The following ADH7 variants were observed in gnomAD, a reference collection of about 807,000 sequenced individuals.
ADH7 encodes the protein alcohol dehydrogenase 7 (class IV), mu or sigma polypeptide, also known as all-trans-retinol dehydrogenase [NAD(+)] ADH7.
ADH7 carries 41 observed loss-of-function variants against 34.4 expected under a neutral mutation model. The observed-to-expected ratio is 1.19, with a 90% CI of 0.93 to 1.55. The LOEUF (loss-of-function observed/expected upper bound fraction) is 1.55, where lower values mean the gene tolerates loss of function less well. ADH7 is among the 40% of genes most tolerant of loss of function. The pLI is 0.00. For synonymous variants in ADH7, 180 were observed against 160.9 expected, an observed-to-expected ratio of 1.12 and a Z score of -0.90; for missense variants, 540 against 461.2, an observed-to-expected ratio of 1.17 and a Z score of -1.56.
At position 99,413,078 on chromosome 4, in the gene ADH7, A is replaced by G; in HGVS notation, c.*70T>C. ...ATTTGTGAGACAGATACATGATTTC[A>G]GATGAGGGAACTCTCACAAGAGAAA... is the stretch of plus-strand genomic sequence containing the variant. On this transcript the variant is annotated 3_prime_UTR_variant, in exon 9 of 9. Coordinates refer to ENST00000437033, the MANE Select transcript of ADH7 (RefSeq NM_000673.7). 1 of 1,487,166 alleles carries G rather than the reference A, an allele frequency of 6.7e-7. No homozygotes were observed. The highest frequency in any genetic ancestry group is 9.4e-7 in the Non-Finnish European group (1 of 1,068,682). The allele number at this position is 1,487,166 out of a possible 1,614,324, so 92.1% of individuals were successfully genotyped here.
In ADH7 at chr4:99,415,552, C is replaced by G; in HGVS notation, c.1026G>C (p.Leu342=). The change falls in exon 8 of 9, where the codon CTG becomes CTC. Residue 342 remains leucine, a synonymous_variant. Transcript: ENST00000437033. ...GTAAAACATGAGTTATCAACTGGTC[C>G]AGGTCAAATTTCTTTGCCAGGAACT... ...VTEFLAKKFD[L]DQLITHVLPF... 1.2e-6 allele frequency: 2 copies of G among 1,613,500 alleles called. No homozygotes were observed. Among genetic ancestry groups the G allele is most frequent in the Non-Finnish European group, 1.7e-6 (2 of 1,179,698 alleles).
intron 2 of ADH7, among the ~76,000 whole-genome samples, 187 bp from the exon 3 acceptor site, chr4:99,428,817 T>TTA (rs1721876968): frequency 6.6e-6 from 1 of 152,218 alleles, no homozygotes; most frequent in Non-Finnish European, 1.5e-5. Flanking sequence ...CTGACGGAAC[T>TTA]TATAATATTG....
intron 2 of ADH7, 152 bp downstream of exon 2, chr4:99,429,380 G>A (rs1721887387): frequency 1.8e-6 from 1 of 560,394 alleles, no homozygotes; most frequent in South Asian, 2.9e-5. Flanking sequence ...AGTACAACCA[G>A]ATCCTTAACA....
intron 6 of ADH7, 41 bp downstream of exon 6, chr4:99,420,492 T>C: frequency 2.5e-6 from 4 of 1,592,660 alleles, no homozygotes; most frequent in Non-Finnish European, 3.4e-6. Context: ...GCATGTCTAA[T>C]AACTTGGGTA....
intron 8 of ADH7, among the ~76,000 whole-genome samples, chr4:99,414,208 C>A (rs781573308): frequency 6.6e-6 from 1 of 152,008 alleles, no homozygotes; most frequent in Non-Finnish European, 1.5e-5. Flanking sequence ...GACAGTTTTT[C>A]TTACAAAATC....
chr4:99,420,488 C>G (rs1274965536), intron 6 of ADH7, 45 bp downstream of exon 6: 1 of 1,583,162 alleles, frequency 6.3e-7, no homozygotes, highest in East Asian at 2.2e-5. Context: ...TTGTGCATGT[C>G]TAATAACTTG....
intron 2 of ADH7, among the ~76,000 whole-genome samples, 177 bp from the exon 3 acceptor site, chr4:99,428,807 C>A (rs1044095591): frequency 1.3e-5 from 2 of 152,232 alleles, no homozygotes; most frequent in African/African-American, 4.8e-5. Context: ...AGATCCCTCT[C>A]TGACGGAACT....
chr4:99,428,469 T>C (rs1160944946), intron 3 of ADH7, 23 bp downstream of exon 3: 4 of 1,602,660 alleles, frequency 2.5e-6, no homozygotes, highest in South Asian at 1.1e-5. Context: ...ATTTCAAACT[T>C]GTGGTTTGAC....
Position 99,423,796 on chromosome 4 carries a change from A to G in ADH7, c.565-3003T>C, listed in dbSNP as rs567252917. Reference sequence around the variant, plus strand: ...GATATTAGCCCTTTGTCAGATGAGTAGGTTGCAAAAATTTTCCCCCATTTT... The same window carrying G: ...GATATTAGCCCTTTGTCAGATGAGTGGGTTGCAAAAATTTTCCCCCATTTT... On this transcript the variant is annotated intron_variant, in intron 5 of 8. Transcript: ENST00000437033. 5.9e-5 allele frequency among the ~76,000 whole-genome samples: 9 copies of G among 152,258 alleles called. No homozygotes were observed. The South Asian group carries it at 1.9e-3, about 32-fold the overall frequency.
chr4:99,413,984 T>C (rs1721463323), intron 8 of ADH7, among the ~76,000 whole-genome samples: 1 of 152,188 alleles, frequency 6.6e-6, no homozygotes, highest in Non-Finnish European at 1.5e-5. Context: ...AAGTGGGACA[T>C]TCAAATAGAG....
At chr4:99,427,478 T>A (rs1342759771) in intron 5 of ADH7, among the ~76,000 whole-genome samples, 1 of 152,156 alleles carries the variant, frequency 6.6e-6, no homozygotes, top group Admixed American at 6.6e-5. Flanking sequence ...ACTGAGATTG[T>A]CCTATCTTAA....
rs1721636577 is a variant in ADH7 at position 99,420,788 on chromosome 4, T to C, written c.570A>G (p.Lys190=). The change falls in exon 6 of 9, where the codon AAA becomes AAG. Residue 190 remains lysine (K), a synonymous_variant. Transcript: ENST00000437033. Reference sequence around the variant, plus strand: ...CAAAGACGACGCAAGTGGAACCAGGTTTGACCTGTGGAGAGGAATGTTCTT... The same window carrying C: ...CAAAGACGACGCAAGTGGAACCAGGCTTGACCTGTGGAGAGGAATGTTCTT... The part of the protein sequence containing the change: ...YGAAVKTGKV[K]PGSTCVVFGL... 1 of 1,613,750 alleles carries C rather than the reference T, an allele frequency of 6.2e-7. No homozygotes were observed. Among genetic ancestry groups the C allele is most frequent in the Non-Finnish European group, 8.5e-7 (1 of 1,179,860 alleles).
At chr4:99,431,392 T>G (rs1721935553) in intron 1 of ADH7, among the ~76,000 whole-genome samples, 1 of 152,124 alleles carries the variant, frequency 6.6e-6, no homozygotes. Flanking sequence ...GGGAATACCA[T>G]TCTGAACATA....
chr4:99,435,327 T>A lies in ADH7; in HGVS notation c.-94A>T. ...GTTGTATATAACAGCAGCTTGTGCCTTCACATAGATAGTCTGGCTTCAGAG... is the reference window on the plus strand; with the variant it reads ...GTTGTATATAACAGCAGCTTGTGCCATCACATAGATAGTCTGGCTTCAGAG... On this transcript the variant is annotated 5_prime_UTR_variant, in exon 1 of 9. In the 5' UTR this introduces an upstream ATG that the reference lacks. Coordinates refer to ENST00000437033, the MANE Select transcript of ADH7 (RefSeq NM_000673.7). 1 of 1,538,854 alleles carries A rather than the reference T, an allele frequency of 6.5e-7. No individual in the cohort carries two copies. Among genetic ancestry groups the A allele is most frequent in the Non-Finnish European group, 8.9e-7 (1 of 1,119,120 alleles).
At chr4:99,413,227 G>A in intron 8 of ADH7, 55 bp from the exon 9 acceptor site, 1 of 1,585,326 alleles carries the variant, frequency 6.3e-7, no homozygotes, top group East Asian at 2.2e-5. Flanking sequence ...TTCAAGAAAG[G>A]ATAGTTTAAA....
intron 7 of ADH7, among the ~76,000 whole-genome samples, chr4:99,416,668 AC>A (rs1324946089): frequency 2.0e-5 from 3 of 151,608 alleles, no homozygotes; most frequent in Non-Finnish European, 4.4e-5. Context: ...TTCTAGGGTG[AC>A]CTCCTCTGGT....
At chr4:99,432,782 A>G (rs1721965441) in intron 1 of ADH7, 1 of 152,170 alleles carries the variant, frequency 6.6e-6, no homozygotes, top group African/African-American at 2.4e-5. Context: ...CACTCATAAA[A>G]ACGCCTTTTA....
chr4:99,419,729 A>G (rs934487177), intron 6 of ADH7, among the ~76,000 whole-genome samples: 2 of 152,202 alleles, frequency 1.3e-5, no homozygotes, highest in African/African-American at 2.4e-5. Flanking sequence ...CCAGTATCAC[A>G]TATGGCTTCA....
intron 6 of ADH7, among the ~76,000 whole-genome samples, chr4:99,419,327 A>G (rs556840025): frequency 2.0e-4 from 30 of 152,314 alleles, no homozygotes; most frequent in Admixed American, 1.9e-3. Flanking sequence ...AACAGCAATC[A>G]ATGTGGTCAG....
Sources: allele counts gnomAD v4.1 joint callset (sites outside exome capture counted in the v4.1 genomes callset), GRCh38; gene constraint gnomAD v4.1.1; transcripts MANE v1.5; gene names NCBI Gene and HGNC (gene_info 2026-07-23, HGNC 2026-07-21).